Variants in ACADL observed in about 807,000 individuals in gnomAD.
ACADL encodes the protein long-chain specific acyl-CoA dehydrogenase, mitochondrial.
Under a neutral mutation model 56.9 loss-of-function variants are expected in ACADL, and 60 were observed. The ratio of observed to expected loss-of-function variants is 1.05; its 90% CI spans 0.86 to 1.31. The LOEUF is 1.31. Ranked by LOEUF, ACADL falls within the 50% of genes most tolerant of loss-of-function variation. The pLI, the probability that ACADL is intolerant of heterozygous loss-of-function variation, is 0.00. For missense variants in ACADL, 484 were observed against 525.5 expected (o/e 0.92, Z 0.77); for synonymous variants, 158 against 179.7 (o/e 0.88, Z 0.97).
At position 210,216,478 on chromosome 2, in the gene ACADL, A is replaced by G. The variant is rs1689088678; in HGVS notation, c.405T>C (p.Ser135=). ...AGGACATGACAATACCTGAATGAAT[A>G]CTAAAACCTGGGCCTGAACAATTTG... ...AYSNCSGPGF[S]IHSGIVMSYI... is the part of the protein sequence containing the mutation. The change falls in exon 4 of 11, where the codon AGT becomes AGC. Residue 135 remains serine (S), a synonymous_variant. Coordinates refer to ENST00000233710, the MANE Select transcript of ACADL (RefSeq NM_001608.4). 1 of 1,613,688 alleles carries G rather than the reference A, an allele frequency of 6.2e-7. No homozygotes were observed. The highest frequency in any genetic ancestry group is 1.7e-5 in the Admixed American group (1 of 59,966).
chr2:210,205,699 A>T lies in ACADL; in HGVS notation c.701T>A (p.Leu234Gln). 1 of 1,614,016 alleles carries T rather than the reference A, an allele frequency of 6.2e-7. No individual in the cohort carries two copies. Among genetic ancestry groups the T allele is most frequent in the South Asian group, 1.1e-5 (1 of 91,084 alleles). ...AAATCCTTTCATTCCATTTTCCACC[A>T]GAAAAAGGCTAATACCATGGGCAGG... ...PSPAHGISLFLVENGMKGFIK... is the reference protein window; with the variant it reads ...PSPAHGISLFQVENGMKGFIK... Residue 234 changes from leucine to glutamine, a missense_variant, in exon 6 of 11, where the codon CTG (leucine) becomes CAG (glutamine). By Grantham distance (113) the Leu-to-Gln change is moderately radical. Coordinates refer to ENST00000233710, the MANE Select transcript of ACADL (RefSeq NM_001608.4).
At chr2:210,203,179 A>T (rs2125711879) in intron 8 of ACADL, 152 bp downstream of exon 8, 1 of 666,206 alleles carries the variant, frequency 1.5e-6, no homozygotes, top group Non-Finnish European at 2.7e-6. Context: ...CTCCTGTCTT[A>T]CTCTCTACTA....
chr2:210,223,414 C>T (rs1689209812), intron 1 of ACADL, among the ~76,000 whole-genome samples: 1 of 152,154 alleles, frequency 6.6e-6, no homozygotes, highest in Non-Finnish European at 1.5e-5. Context: ...TTCCACACAC[C>T]TAGAAGCTGG....
chr2:210,213,021 C>T (rs910793633), intron 4 of ACADL, among the ~76,000 whole-genome samples: 3 of 152,180 alleles, frequency 2.0e-5, no homozygotes, highest in Non-Finnish European at 4.4e-5. Context: ...ATGCTGAATA[C>T]CTGCTTTCCT....
chr2:210,224,975 C>G, intron 1 of ACADL: 1 of 1,383,396 alleles, frequency 7.2e-7, no homozygotes, highest in Non-Finnish European at 9.3e-7. Flanking sequence ...CGGGGCGGCA[C>G]GGCTGACACC....
rs1444430556 is a variant in ACADL, at chr2:210,188,622, C to T, written c.*339G>A. Reference sequence around the variant, plus strand: ...TCTTATTAATGTTTTTATACTATAGCGACATAAAATTATTTCTGCCTTGGT... The same window carrying T: ...TCTTATTAATGTTTTTATACTATAGTGACATAAAATTATTTCTGCCTTGGT... On this transcript the variant is annotated 3_prime_UTR_variant, in exon 11 of 11. Coordinates refer to ENST00000233710, the MANE Select transcript of ACADL (RefSeq NM_001608.4). 14 of 238,404 alleles carry T rather than the reference C, an allele frequency of 5.9e-5. No homozygotes were observed. Among genetic ancestry groups the T allele is most frequent in the South Asian group, 2.2e-4 (4 of 18,552 alleles). 14.8% of individuals were successfully genotyped at this position (238,404 alleles called of 1,614,324 possible).
intron 8 of ACADL, among the ~76,000 whole-genome samples, chr2:210,202,268 T>G (rs1174266930): frequency 6.6e-6 from 1 of 152,074 alleles, no homozygotes; most frequent in Admixed American, 6.6e-5. Context: ...AATTTTTGTA[T>G]TTTTAGTAGA....
chr2:210,197,690 G>C (rs10188354), intron 8 of ACADL, among the ~76,000 whole-genome samples: 377 of 152,204 alleles, frequency 2.5e-3, no homozygotes, highest in African/African-American at 8.8e-3. Context: ...CCACATTTGG[G>C]AATTTATGCA....
intron 4 of ACADL, among the ~76,000 whole-genome samples, chr2:210,214,521 G>GAAAT (rs1689050008): frequency 6.7e-6 from 1 of 149,818 alleles, no homozygotes; most frequent in African/African-American, 2.5e-5. Flanking sequence ...AAGAAAGAAA[G>GAAAT]AAAGAAAGAA....
chr2:210,201,554 G>A (rs1044015239), intron 8 of ACADL, among the ~76,000 whole-genome samples: 4 of 152,146 alleles, frequency 2.6e-5, no homozygotes, highest in African/African-American at 9.7e-5. Flanking sequence ...TCAAGTAGCT[G>A]TGTTAGGACA....
In ACADL at chr2:210,225,257, C is replaced by T. The variant is rs763274790; in HGVS notation, c.7G>A (p.Ala3Thr). 4 of 1,556,452 alleles carry T rather than the reference C, an allele frequency of 2.6e-6. No individual in the cohort carries two copies. In the South Asian group the frequency reaches 3.5e-5, roughly 14 times the overall value. Reference protein sequence around the residue: MAARLLRGSLRVL... With the variant: MATRLLRGSLRVL... ...CGTAGGGACCCTCGGAGAAGGCGTG[C>T]GGCCATGTCCGAAACACAGGGGCGG... Residue 3 changes from alanine (A) to threonine (T), a missense_variant, in exon 1 of 11, where the codon GCA becomes ACA. By Grantham distance (58) the Ala-to-Thr change is moderately conservative. Transcript: ENST00000233710.
chr2:210,195,336 T>A lies in ACADL; in HGVS notation c.987A>T (p.Thr329=). 1 of 1,611,862 alleles carries A rather than the reference T, an allele frequency of 6.2e-7. No individual in the cohort carries two copies. Among genetic ancestry groups the A allele is most frequent in the Non-Finnish European group, 8.5e-7 (1 of 1,177,992 alleles). ...AFGKTVAHLQ[T]VQHKLAELKT... ...TTAATTCTGCTAATTTATGTTGCAC[T>A]GTCTTGAATTTAAAGGAAATAAAAG... The change falls in exon 9 of 11, where the codon ACA becomes ACT. Residue 329 remains threonine, a splice_region_variant and synonymous_variant. Transcript: ENST00000233710.
intron 1 of ACADL, chr2:210,224,814 C>T: frequency 9.9e-7 from 1 of 1,006,154 alleles, no homozygotes; most frequent in Non-Finnish European, 1.2e-6. Flanking sequence ...GCTCCTGCAG[C>T]CGGGCCCAGG....
rs147975645 is a variant in ACADL at position 210,195,220 on chromosome 2, G to A, written c.1103C>T (p.Ala368Val). 7.4e-6 allele frequency: 12 copies of A among 1,613,600 alleles called. No homozygotes were observed. Among genetic ancestry groups the A allele is most frequent in the East Asian group, 6.7e-5 (3 of 44,864 alleles). Residue 368 changes from alanine to valine, a missense_variant, in exon 9 of 11, where the codon GCG (alanine) becomes GTG (valine). By Grantham distance (64) the Ala-to-Val change is moderately conservative (BLOSUM62 0). Coordinates refer to ENST00000233710, the MANE Select transcript of ACADL (RefSeq NM_001608.4). ...ACTGTAGCATGCATACCAATATTTCGCCATGCAAGCAGTGGCGGAGTCCAA... is the reference window on the plus strand; with the variant it reads ...ACTGTAGCATGCATACCAATATTTCACCATGCAAGCAGTGGCGGAGTCCAA... ...KRLDSATACM[A>V]KYWASELQNS...
intron 6 of ACADL, 31 bp downstream of exon 6, chr2:210,205,601 G>C (rs1373937692): frequency 6.2e-7 from 1 of 1,606,356 alleles, no homozygotes; most frequent in Non-Finnish European, 8.5e-7. Context: ...AACTCAATTA[G>C]TATCTGAATA....
chr2:210,210,636 T>C (rs1220864473), intron 4 of ACADL, among the ~76,000 whole-genome samples: 1 of 152,200 alleles, frequency 6.6e-6, no homozygotes, highest in Non-Finnish European at 1.5e-5. Flanking sequence ...CCTTCCCCTG[T>C]CTCTATTGAT....
At chr2:210,218,799 T>C (rs936840855) in intron 2 of ACADL, among the ~76,000 whole-genome samples, 1 of 152,202 alleles carries the variant, frequency 6.6e-6, no homozygotes, top group African/African-American at 2.4e-5. Context: ...GCTGAACTTA[T>C]GGTACAAGCA....
At chr2:210,189,149 A>C in intron 10 of ACADL, 95 bp from the exon 11 acceptor site, 1 of 826,142 alleles carries the variant, frequency 1.2e-6, no homozygotes, top group Non-Finnish European at 2.1e-6. Flanking sequence ...CAATTAGTGA[A>C]GTACAAACAA....
chr2:210,189,174 A>G, intron 10 of ACADL, 120 bp from the exon 11 acceptor site: 1 of 693,252 alleles, frequency 1.4e-6, no homozygotes, highest in Non-Finnish European at 2.5e-6. Context: ...AGTCCTTCAT[A>G]AATTACTTAT....
Sources: gnomAD v4.1 joint callset for allele counts (sites outside exome capture counted in the v4.1 genomes callset) on GRCh38, gnomAD v4.1.1 for gene constraint, MANE v1.5 for transcripts, NCBI Gene and HGNC (gene_info 2026-07-23, HGNC 2026-07-21) for gene names.